OSGIN1: variants seen among roughly 807,000 people sequenced by gnomAD.
OSGIN1 encodes oxidative stress induced growth inhibitor 1.
Under a neutral mutation model 20.1 loss-of-function variants are expected in OSGIN1, and 19 were observed. That is an observed-to-expected ratio of 0.95 (90% confidence interval 0.66 to 1.39). The LOEUF (loss-of-function observed/expected upper bound fraction) is 1.39. OSGIN1 is among the 40% of genes most tolerant of loss of function. The probability of loss-of-function intolerance (pLI) is 0.00; values close to 1 mark genes in which losing one functional copy is unlikely to be tolerated. For missense variants in OSGIN1, 820 were observed against 653.0 expected (o/e 1.26, Z -2.79); for synonymous variants, 368 against 297.8 (o/e 1.24, Z -2.43).
intron 5 of OSGIN1, among the ~76,000 whole-genome samples, chr16:83,962,759 G>A (rs1567657466): frequency 6.6e-6 from 1 of 152,238 alleles, no homozygotes; most frequent in Non-Finnish European, 1.5e-5. Flanking sequence ...AGACAGGTGA[G>A]AGACAAACGG....
chr16:83,963,837 G>A (rs1219228805), intron 5 of OSGIN1, among the ~76,000 whole-genome samples: 1 of 148,906 alleles, frequency 6.7e-6, no homozygotes, highest in African/African-American at 2.4e-5. Context: ...CTAGAATGAT[G>A]CAAAGCCTGT....
rs1445116837 is a variant in OSGIN1, at chr16:83,959,357, G to T, written c.165G>T (p.Arg55Ser). The T allele has an allele frequency of 6.2e-7, 1 of 1,613,738 alleles. No homozygotes were observed. The highest frequency in any genetic ancestry group is 8.5e-7 in the Non-Finnish European group (1 of 1,179,996). ...DAIHPHPLLQ[R>S]KLTEAPGVSI... Reference sequence around the variant, plus strand: ...TCCACCCACACCCCCTGCTGCAGAGGAAGCTCACCGAGGCCCCGGGGGTCT... The same window carrying T: ...TCCACCCACACCCCCTGCTGCAGAGTAAGCTCACCGAGGCCCCGGGGGTCT... Residue 55 changes from arginine to serine, a missense_variant, in exon 3 of 6, where the codon AGG (arginine) becomes AGT (serine). Coordinates refer to ENST00000393306, the MANE Select transcript of OSGIN1 (RefSeq NM_182981.3).
Position 83,966,008 on chromosome 16 carries a change from C to A in OSGIN1, c.*1C>A, listed in dbSNP as rs772795193. The A allele has an allele frequency of 2.6e-6, 4 of 1,547,392 alleles. No homozygotes were observed. Among genetic ancestry groups the A allele is most frequent in the African/African-American group, 1.4e-5 (1 of 73,100 alleles). ...GAAGGAGACCAGGAAGCCACCCTAA[C>A]ACTCGGCCAGACCCGCTGGCTCCCA... On this transcript the variant is annotated 3_prime_UTR_variant, in exon 6 of 6. Transcript: ENST00000393306.
chr16:83,960,775 G>A lies in OSGIN1; in HGVS notation c.396+15G>A, dbSNP rs760300585. The A allele has an allele frequency of 1.1e-5, 17 of 1,611,406 alleles. No individual in the cohort carries two copies. Among genetic ancestry groups the A allele is most frequent in the Admixed American group, 1.0e-4 (6 of 59,892 alleles). On this transcript the variant is annotated intron_variant, in intron 4 of 5. Transcript: ENST00000393306. ...GAGCCTGGCACGTGAGTGGGGCAGC[G>A]AGGGCATGGCTTGTGGGGGGCTCTC...
In OSGIN1 at chr16:83,965,716, G is replaced by C; in HGVS notation, c.1143G>C (p.Glu381Asp). ...EDCQAVFQDL[E>D]GVEKVFGVSL... ...GCCAGGCCGTGTTCCAGGACCTCGA[G>C]GGTGTCGAGAAGGTGTTTGGGGTCT... The change falls in exon 6 of 6, where the codon GAG becomes GAC. Residue 381 changes from glutamate (E) to aspartate (D), a missense_variant. By Grantham distance (45) the Glu-to-Asp change is conservative (BLOSUM62 2). Transcript: ENST00000393306. The C allele has an allele frequency of 1.9e-6, 3 of 1,613,674 alleles. No homozygotes were observed. Among genetic ancestry groups the C allele is most frequent in the Non-Finnish European group, 2.5e-6 (3 of 1,180,020 alleles).
rs1377775586 is a variant in OSGIN1, at chr16:83,966,089, G to T, written c.*82G>T. On this transcript the variant is annotated 3_prime_UTR_variant, in exon 6 of 6. Transcript: ENST00000393306. ...CTGCTGGATGCAGGACCCGTCCAAA[G>T]ATGCCCCGGGGAGGGGTGTCAGCCC... 1.8e-4 allele frequency: 211 copies of T among 1,184,280 alleles called. No homozygotes were observed. The highest frequency in any genetic ancestry group is 2.3e-4 in the Non-Finnish European group (203 of 868,952). The allele number at this position is 1,184,280 out of a possible 1,614,324, so 73.4% of individuals were successfully genotyped here.
At chr16:83,965,016 A>G (rs1555544698) in intron 5 of OSGIN1, 46 bp from the exon 6 acceptor site, 10 of 1,156,444 alleles carry the variant, frequency 8.6e-6, no homozygotes, top group East Asian at 4.9e-5. Context: ...CAGCCCCCCA[A>G]CCCCTAACAG....
In OSGIN1 at chr16:83,965,932, C is replaced by T. The variant is rs117872227; in HGVS notation, c.1359C>T (p.Phe453=). ...TGGGGCCGCTGGCCGGGGACAACTT[C>T]GTGAGGTTTGTGCAGGGGGGCGCCT... ...YAMGPLAGDN[F]VRFVQGGALA... The change falls in exon 6 of 6, where the codon TTC becomes TTT. Residue 453 remains phenylalanine (F), a synonymous_variant. Coordinates refer to ENST00000393306, the MANE Select transcript of OSGIN1 (RefSeq NM_182981.3). 9,293 of 1,612,462 alleles carry T rather than the reference C, an allele frequency of 5.8e-3. 33 individuals are homozygous for T. The highest frequency in any genetic ancestry group is 7.1e-3 in the Non-Finnish European group (8,385 of 1,179,854).
chr16:83,959,266 G>A lies in OSGIN1; in HGVS notation c.74G>A (p.Gly25Asp), dbSNP rs976808071. 1 of 1,612,930 alleles carries A rather than the reference G, an allele frequency of 6.2e-7. No homozygotes were observed. Among genetic ancestry groups the A allele is most frequent in the Non-Finnish European group, 8.5e-7 (1 of 1,179,620 alleles). ...EPLPVIIVGN[G>D]PSGICLSYLL... is the part of the protein sequence containing the mutation. ...CTCCACCCTCTCTCCCCAGGTAACG[G>A]CCCCTCTGGTATCTGCCTGTCCTAC... The change falls in exon 3 of 6, where the codon GGC becomes GAC. Residue 25 changes from glycine to aspartate, a missense_variant. Physicochemically the swap from Gly to Asp is moderately conservative, Grantham distance 94. Coordinates refer to ENST00000393306, the MANE Select transcript of OSGIN1 (RefSeq NM_182981.3).
chr16:83,965,835 G>T lies in OSGIN1; in HGVS notation c.1262G>T (p.Ser421Ile), dbSNP rs201090360. The T allele has an allele frequency of 2.5e-5, 41 of 1,613,042 alleles. No homozygotes were observed. The highest frequency in any genetic ancestry group is 3.0e-5 in the Non-Finnish European group (35 of 1,180,010). ...DFAVDPDQPL[S>I]AKRNPIDVDP... is the part of the protein sequence containing the mutation. ...GCAGTGGATCCTGACCAGCCGCTGA[G>T]CGCCAAGAGGAACCCCATTGACGTG... Residue 421 changes from serine to isoleucine, a missense_variant, in exon 6 of 6, where the codon AGC becomes ATC. Coordinates refer to ENST00000393306, the MANE Select transcript of OSGIN1 (RefSeq NM_182981.3).
At chr16:83,960,250 CTG>C (rs1191066900) in intron 3 of OSGIN1, among the ~76,000 whole-genome samples, 2 of 152,194 alleles carry the variant, frequency 1.3e-5, no homozygotes, top group African/African-American at 4.8e-5. Context: ...ATATGCCCGT[CTG>C]TGTTATCTGC....
rs139866814 is a variant in OSGIN1 at position 83,964,095 on chromosome 16, A to G, written c.489-967A>G. Reference sequence around the variant, plus strand: ...GAGGCTGGTGGATCACTTGAGGTCAAGAGTTCGAAACCATCCTGGCCAACA... The same window carrying G: ...GAGGCTGGTGGATCACTTGAGGTCAGGAGTTCGAAACCATCCTGGCCAACA... On this transcript the variant is annotated intron_variant, in intron 5 of 5. Transcript: ENST00000393306. Among the ~76,000 whole-genome samples, 1,288 of 152,258 alleles carry G rather than the reference A, an allele frequency of 8.5e-3. 22 individuals carry two copies. Among genetic ancestry groups the G allele is most frequent in the African/African-American group, 0.03 (1,236 of 41,558 alleles).
At chr16:83,964,738 A>C (rs982564598) in intron 5 of OSGIN1, among the ~76,000 whole-genome samples, 2 of 152,158 alleles carry the variant, frequency 1.3e-5, no homozygotes, top group African/African-American at 4.8e-5. Flanking sequence ...AAACTGGGGA[A>C]ACAGACACAG....
chr16:83,957,751 C>T lies in OSGIN1; in HGVS notation c.67+13C>T, dbSNP rs1454478634. On this transcript the variant is annotated intron_variant, in intron 2 of 5. Transcript: ENST00000393306. ...GTCATCATTGTGGGTGAGTGTCAGGCCCCAGCCAGGGAGGGGCTCCGCTGA... is the reference window on the plus strand; with the variant it reads ...GTCATCATTGTGGGTGAGTGTCAGGTCCCAGCCAGGGAGGGGCTCCGCTGA... The T allele has an allele frequency of 1.3e-6, 2 of 1,527,658 alleles. No individual in the cohort carries two copies. Among genetic ancestry groups the T allele is most frequent in the Non-Finnish European group, 1.8e-6 (2 of 1,121,448 alleles). The allele number at this position is 1,527,658 out of a possible 1,614,324, so 94.6% of individuals were successfully genotyped here. A position where few individuals can be genotyped will look rare whatever the true frequency, so the allele number is the denominator to read the frequency against.
chr16:83,964,740 C>G (rs909991660), intron 5 of OSGIN1, among the ~76,000 whole-genome samples: 1 of 152,160 alleles, frequency 6.6e-6, no homozygotes. Flanking sequence ...ACTGGGGAAA[C>G]AGACACAGCT....
chr16:83,959,806 C>G (rs1034823454), intron 3 of OSGIN1, among the ~76,000 whole-genome samples: 1 of 152,022 alleles, frequency 6.6e-6, no homozygotes, highest in Non-Finnish European at 1.5e-5. Context: ...GCTTCTCAAC[C>G]TTGGCCCCAC....
intron 1 of OSGIN1, among the ~76,000 whole-genome samples, chr16:83,956,456 G>T (rs747094967): frequency 6.6e-6 from 1 of 152,146 alleles, no homozygotes; most frequent in Non-Finnish European, 1.5e-5. Context: ...ACTCTGGGTG[G>T]TCCAAGCCCT....
At position 83,965,523 on chromosome 16, in the gene OSGIN1, G is replaced by A. The variant is rs755525072; in HGVS notation, c.950G>A (p.Arg317Gln). The A allele has an allele frequency of 1.8e-5, 29 of 1,612,270 alleles. No homozygotes were observed. Among genetic ancestry groups the A allele is most frequent in the East Asian group, 4.5e-5 (2 of 44,878 alleles). The part of the protein sequence containing the change: ...YNIPVIHAFR[R>Q]AVDDPGLVFN... ...ATCCCGGTGATCCATGCCTTCCGCC[G>A]GGCCGTGGACGACCCTGGCCTGGTG... Residue 317 changes from arginine (R) to glutamine (Q), a missense_variant, in exon 6 of 6, where the codon CGG (arginine) becomes CAG (glutamine). Physicochemically the swap from Arg to Gln is conservative, Grantham distance 43 (BLOSUM62 1). Coordinates refer to ENST00000393306, the MANE Select transcript of OSGIN1 (RefSeq NM_182981.3).
intron 1 of OSGIN1, among the ~76,000 whole-genome samples, chr16:83,956,242 C>T (rs560948750): frequency 2.1e-4 from 32 of 152,290 alleles, no homozygotes; most frequent in Admixed American, 1.8e-3. Context: ...TGGAGGTGGA[C>T]GAAGGTGTTT....
Sources: gnomAD v4.1 joint callset for allele counts (sites outside exome capture counted in the v4.1 genomes callset) on GRCh38, gnomAD v4.1.1 for gene constraint, MANE v1.5 for transcripts, NCBI Gene and HGNC (gene_info 2026-07-23, HGNC 2026-07-21) for gene names.